The following PCBP3 variants were observed in gnomAD, a reference collection of about 807,000 sequenced individuals.
PCBP3 encodes the protein poly(rC)-binding protein 3.
A neutral mutation model predicts 52.7 loss-of-function variants in PCBP3; 25 were observed. The ratio of observed to expected loss-of-function variants is 0.47; its 90% CI spans 0.35 to 0.66. PCBP3 has a LOEUF of 0.66. Ranked by LOEUF, PCBP3 falls within the 30% of genes least tolerant of loss-of-function variation. PCBP3 has a pLI of 0.01. For synonymous variants in PCBP3, 162 were observed against 183.0 expected, an observed-to-expected ratio of 0.89 and a Z score of 0.93; for missense variants, 391 against 490.3, an observed-to-expected ratio of 0.80 and a Z score of 1.91.
intron 4 of PCBP3, among the ~76,000 whole-genome samples, chr21:45,771,940 T>C (rs542599359): frequency 6.6e-6 from 1 of 152,374 alleles, no homozygotes; most frequent in South Asian, 2.1e-4. Context: ...CAATTGTATA[T>C]CTGTATACCA....
At chr21:45,816,487 CTCCTCCCCTTCCCCCT>C in intron 4 of PCBP3, among the ~76,000 whole-genome samples, 1 of 70,778 alleles carries the variant, frequency 1.4e-5, no homozygotes, top group African/African-American at 5.7e-5. Context: ...CCTCCCCCTC[CTCCTCCCCTTCCCCCT>C]CCCCTCCCCT....
At chr21:45,835,907 C>T (rs1412291105) in intron 4 of PCBP3, among the ~76,000 whole-genome samples, 1 of 151,312 alleles carries the variant, frequency 6.6e-6, no homozygotes, top group Non-Finnish European at 1.5e-5. Context: ...GGCCCCAGGC[C>T]TGGCGGGGTC....
intron 3 of PCBP3, among the ~76,000 whole-genome samples, chr21:45,746,717 G>A (rs1405534553): frequency 1.8e-5 from 1 of 54,330 alleles, no homozygotes; most frequent in African/African-American, 7.6e-5. Context: ...TAGCGCACAC[G>A]GTGTTGTGTC....
intron 2 of PCBP3, among the ~76,000 whole-genome samples, chr21:45,710,259 C>T (rs1282218167): frequency 6.6e-6 from 1 of 152,172 alleles, no homozygotes; most frequent in Admixed American, 6.5e-5. Flanking sequence ...CCCATTAACT[C>T]GTCATTTACC....
chr21:45,824,895 G>A (rs1237854147), intron 4 of PCBP3, among the ~76,000 whole-genome samples: 1 of 152,254 alleles, frequency 6.6e-6, no homozygotes, highest in Non-Finnish European at 1.5e-5. Flanking sequence ...GTCATCAGCA[G>A]TAAAAAGTGG....
intron 9 of PCBP3, among the ~76,000 whole-genome samples, chr21:45,905,471 GT>G (rs2096178450): frequency 6.6e-6 from 1 of 152,264 alleles, no homozygotes; most frequent in South Asian, 2.1e-4. Context: ...ACAGAGGACT[GT>G]GCCGAAGGAG....
intron 9 of PCBP3, chr21:45,901,692 T>G (rs2096052055): frequency 1.7e-3 from 240 of 143,120 alleles, no homozygotes; most frequent in Middle Eastern, 3.5e-3. Flanking sequence ...GACAGAGAGA[T>G]GAGAGAGAGA....
intron 2 of PCBP3, among the ~76,000 whole-genome samples, chr21:45,703,243 C>T (rs1471414465): frequency 2.0e-5 from 3 of 152,220 alleles, no homozygotes; most frequent in Admixed American, 6.5e-5. Flanking sequence ...TTAATGACAT[C>T]GAGAACGGTG....
intron 4 of PCBP3, among the ~76,000 whole-genome samples, chr21:45,764,956 G>T (rs994658488): frequency 6.6e-6 from 1 of 152,250 alleles, no homozygotes; most frequent in African/African-American, 2.4e-5. Context: ...GGACAGGAAG[G>T]ATCAGTGGTC....
intron 1 of PCBP3, among the ~76,000 whole-genome samples, chr21:45,666,596 T>A (rs2080810529): frequency 6.6e-6 from 1 of 152,172 alleles, no homozygotes; most frequent in Non-Finnish European, 1.5e-5. Context: ...TCTCCTTTGT[T>A]TTTGCAGAAT....
chr21:45,789,130 T>C (rs1183801529), intron 4 of PCBP3, among the ~76,000 whole-genome samples: 1 of 152,154 alleles, frequency 6.6e-6, no homozygotes, highest in African/African-American at 2.4e-5. Context: ...GCTCAGCAGA[T>C]CAAGGAAGGG....
intron 5 of PCBP3, chr21:45,872,419 C>G (rs2095066991): frequency 6.6e-6 from 1 of 152,188 alleles, no homozygotes; most frequent in South Asian, 2.1e-4. Context: ...CGTGCTGTAC[C>G]CACCCACTTC....
intron 2 of PCBP3, among the ~76,000 whole-genome samples, chr21:45,684,678 C>CAG (rs2082048771): frequency 6.6e-6 from 1 of 152,170 alleles, no homozygotes; most frequent in South Asian, 2.1e-4. Context: ...GAGGCCTCAG[C>CAG]AGAGGCCAAG....
At chr21:45,876,981 C>T (rs911672246) in intron 5 of PCBP3, among the ~76,000 whole-genome samples, 4 of 152,384 alleles carry the variant, frequency 2.6e-5, no homozygotes, top group African/African-American at 7.2e-5. Context: ...GAGCTCAAGG[C>T]GCCTGCTGCC....
chr21:45,728,402 A>C (rs189875843), intron 2 of PCBP3, among the ~76,000 whole-genome samples: 106 of 152,354 alleles, frequency 7.0e-4, no homozygotes, highest in Admixed American at 2.3e-3. Flanking sequence ...TTTAAAAAAC[A>C]ATAGTAAGCC....
chr21:45,834,371 C>G (rs967509482), intron 4 of PCBP3, among the ~76,000 whole-genome samples: 2 of 152,202 alleles, frequency 1.3e-5, no homozygotes, highest in Non-Finnish European at 2.9e-5. Flanking sequence ...TTCCTAGAGG[C>G]TGACCGAAAT....
intron 4 of PCBP3, among the ~76,000 whole-genome samples, chr21:45,782,886 T>G (rs1305963401): frequency 2.0e-5 from 3 of 152,262 alleles, no homozygotes; most frequent in African/African-American, 7.2e-5. Flanking sequence ...CACTTCTCTG[T>G]GAGGCATGTC....
chr21:45,655,643 G>A (rs1166364615), intron 1 of PCBP3, among the ~76,000 whole-genome samples: 1 of 152,112 alleles, frequency 6.6e-6, no homozygotes, highest in Non-Finnish European at 1.5e-5. Context: ...GGCAACAGAA[G>A]CCAAAATTAA....
At chr21:45,867,777 C>G (rs557693977) in intron 5 of PCBP3, among the ~76,000 whole-genome samples, 1 of 152,276 alleles carries the variant, frequency 6.6e-6, no homozygotes, top group Admixed American at 6.5e-5. Flanking sequence ...CTGGACGCAG[C>G]GTCTTCCTTC....
Sources: allele counts gnomAD v4.1 joint callset (sites outside exome capture counted in the v4.1 genomes callset), GRCh38; gene constraint gnomAD v4.1.1; transcripts MANE v1.5; gene names NCBI Gene and HGNC (gene_info 2026-07-23, HGNC 2026-07-21).